OPCML: variants seen among roughly 807,000 people sequenced by gnomAD.
OPCML encodes opioid binding protein/cell adhesion molecule like, also known as opioid-binding protein/cell adhesion molecule.
A neutral mutation model predicts 37.8 loss-of-function variants in OPCML; 13 were observed. The ratio of observed to expected loss-of-function variants is 0.34; its 90% CI spans 0.22 to 0.55. The LOEUF is 0.55. Ranked by LOEUF, OPCML falls within the 20% of genes least tolerant of loss-of-function variation. The probability of loss-of-function intolerance (pLI) is 0.91; values close to 1 mark genes in which losing one functional copy is unlikely to be tolerated. For synonymous variants in OPCML, 176 were observed against 168.8 expected, an observed-to-expected ratio of 1.04 and a Z score of -0.33; for missense variants, 341 against 435.6, an observed-to-expected ratio of 0.78 and a Z score of 1.93.
In OPCML at chr11:132,937,593, G is replaced by GT. The variant is rs1203223994; in HGVS notation, c.146+5332_146+5333insA. On this transcript the variant is annotated intron_variant, in intron 2 of 7. Coordinates refer to ENST00000524381, the MANE Select transcript of OPCML (RefSeq NM_001012393.5). ...TGTGTGTGGTGTGTGTGGCGTGTGTGGGGTGTGTGTGTGTGTGTGTGTGTG... is the reference window on the plus strand; with the variant it reads ...TGTGTGTGGTGTGTGTGGCGTGTGTGTGGGTGTGTGTGTGTGTGTGTGTGTG... Among the ~76,000 whole-genome samples the GT allele has an allele frequency of 4.5e-3, 348 of 76,648 alleles. 6 individuals carry two copies. Among genetic ancestry groups the GT allele is most frequent in the East Asian group, 0.026 (46 of 1,768 alleles). 50.3% of individuals were successfully genotyped at this position (76,648 alleles called of 152,430 possible).
At chr11:133,354,229 G>A (rs1187161024) in intron 1 of OPCML, among the ~76,000 whole-genome samples, 2 of 20,502 alleles carry the variant, frequency 9.8e-5, no homozygotes, top group African/African-American at 1.6e-4. Flanking sequence ...GCTGGTGCTG[G>A]TGGTGATGGT....
At position 132,913,915 on chromosome 11, in the gene OPCML, C is replaced by T. The variant is rs11823520; in HGVS notation, c.146+29011G>A. The stretch of plus-strand genomic sequence containing the variant: ...ACTCCTCCCCTCTCTGCCTCTGCTG[C>T]AGCTCACTAGGCATCCTTTCGACTC... On this transcript the variant is annotated intron_variant, in intron 2 of 7. Transcript: ENST00000524381. Among the ~76,000 whole-genome samples the T allele has an allele frequency of 6.8e-3, 1,040 of 152,350 alleles. 13 individuals carry two copies. The highest frequency in any genetic ancestry group is 0.024 in the African/African-American group (999 of 41,584).
intron 1 of OPCML, among the ~76,000 whole-genome samples, chr11:133,188,061 A>G (rs1387288035): frequency 6.6e-6 from 1 of 152,240 alleles, no homozygotes; most frequent in East Asian, 1.9e-4. Context: ...AAACTAGGTT[A>G]CCTAGCTTCG....
At chr11:132,994,201 C>A (rs546778084) in intron 1 of OPCML, among the ~76,000 whole-genome samples, 3 of 152,222 alleles carry the variant, frequency 2.0e-5, no homozygotes, top group African/African-American at 7.2e-5. Flanking sequence ...GGAGTCCCCG[C>A]GCCGCAGCGG....
intron 1 of OPCML, among the ~76,000 whole-genome samples, chr11:133,153,782 T>C (rs990832828): frequency 1.2e-5 from 1 of 84,590 alleles, no homozygotes; most frequent in African/African-American, 1.1e-4. Flanking sequence ...CAAGGTGCTA[T>C]AGAATAGACT....
chr11:132,441,994 C>T (rs1290024141), intron 4 of OPCML, among the ~76,000 whole-genome samples: 1 of 152,156 alleles, frequency 6.6e-6, no homozygotes, highest in Admixed American at 6.5e-5. Context: ...AGAAAAACAA[C>T]TCAGGGGAGA....
intron 3 of OPCML, among the ~76,000 whole-genome samples, chr11:132,537,559 A>T (rs1173896380): frequency 6.6e-6 from 1 of 152,258 alleles, no homozygotes; most frequent in East Asian, 1.9e-4. Flanking sequence ...CACAAGCAAC[A>T]GCAGAAAAAA....
chr11:132,764,374 C>G (rs185409890), intron 2 of OPCML, among the ~76,000 whole-genome samples: 10 of 152,288 alleles, frequency 6.6e-5, no homozygotes, highest in Admixed American at 6.5e-4. Context: ...ACTCATCCTA[C>G]CTGCTGGGGA....
intron 1 of OPCML, among the ~76,000 whole-genome samples, chr11:133,290,392 T>G (rs1334448414): frequency 2.6e-5 from 4 of 152,186 alleles, no homozygotes; most frequent in African/African-American, 9.7e-5. Context: ...TGAGGTGACT[T>G]TGAGTGCAAT....
At chr11:133,308,310 T>G (rs530336488) in intron 1 of OPCML, among the ~76,000 whole-genome samples, 61 of 148,656 alleles carry the variant, frequency 4.1e-4, no homozygotes, top group African/African-American at 1.5e-3. Context: ...TGTACTTTAG[T>G]TTTTTTTTCC....
intron 3 of OPCML, among the ~76,000 whole-genome samples, chr11:132,569,220 C>A (rs537926605): frequency 6.6e-6 from 1 of 152,134 alleles, no homozygotes; most frequent in African/African-American, 2.4e-5. Flanking sequence ...TAAAATGAGG[C>A]CATTAGGAAA....
chr11:133,308,348 G>A (rs189464051), intron 1 of OPCML, among the ~76,000 whole-genome samples: 1 of 152,064 alleles, frequency 6.6e-6, no homozygotes, highest in Non-Finnish European at 1.5e-5. Context: ...ACACAAGTAT[G>A]AAACAACCTA....
At chr11:132,463,451 C>A (rs1180220091) in intron 4 of OPCML, among the ~76,000 whole-genome samples, 2 of 152,160 alleles carry the variant, frequency 1.3e-5, no homozygotes, top group Admixed American at 1.3e-4. Context: ...AGGGAACTAG[C>A]TAAAAATGCA....
intron 3 of OPCML, among the ~76,000 whole-genome samples, chr11:132,582,921 C>T (rs968962833): frequency 7.6e-5 from 11 of 144,090 alleles, no homozygotes; most frequent in Non-Finnish European, 1.4e-4. Context: ...TCATAGCTCA[C>T]TGCAGCCTCG....
chr11:132,951,307 A>T (rs1945855233), intron 1 of OPCML, among the ~76,000 whole-genome samples: 1 of 152,164 alleles, frequency 6.6e-6, no homozygotes, highest in East Asian at 1.9e-4. Flanking sequence ...TGCAAGTCTG[A>T]GATCAGGGTG....
At chr11:132,441,943 C>T (rs751378566) in intron 4 of OPCML, among the ~76,000 whole-genome samples, 1 of 152,092 alleles carries the variant, frequency 6.6e-6, no homozygotes, top group Non-Finnish European at 1.5e-5. Context: ...CATGAAACAT[C>T]CACAAGCAGG....
Position 132,547,126 on chromosome 11 carries a change from C to A in OPCML, c.380-17940G>T, listed in dbSNP as rs140037674. On this transcript the variant is annotated intron_variant, in intron 3 of 7. Coordinates refer to ENST00000524381, the MANE Select transcript of OPCML (RefSeq NM_001012393.5). The stretch of plus-strand genomic sequence containing the variant: ...CACAGCAAGATGACAAGGGCAAAAA[C>A]CATGCTTGGCACATACTCAGTGGGG... 7.3e-4 allele frequency among the ~76,000 whole-genome samples: 111 copies of A among 152,246 alleles called. 1 individual carries two copies. Among genetic ancestry groups the A allele is most frequent in the Non-Finnish European group, 3.8e-4 (26 of 68,026 alleles).
At chr11:132,794,104 G>T (rs1462266344) in intron 2 of OPCML, among the ~76,000 whole-genome samples, 1 of 152,162 alleles carries the variant, frequency 6.6e-6, no homozygotes, top group African/African-American at 2.4e-5. Flanking sequence ...CCACCGTGTT[G>T]TTTCCAACCG....
intron 1 of OPCML, among the ~76,000 whole-genome samples, chr11:132,984,663 C>A (rs904017433): frequency 6.6e-6 from 1 of 152,146 alleles, no homozygotes; most frequent in Non-Finnish European, 1.5e-5. Flanking sequence ...AACCTCACAC[C>A]AGCATCTTTC....
Sources: gnomAD v4.1 joint callset for allele counts (sites outside exome capture counted in the v4.1 genomes callset) on GRCh38, gnomAD v4.1.1 for gene constraint, MANE v1.5 for transcripts, NCBI Gene and HGNC (gene_info 2026-07-23, HGNC 2026-07-21) for gene names.